IL17RD: variants seen among roughly 807,000 people sequenced by gnomAD.
IL17RD encodes interleukin 17 receptor D, also known as interleukin-17 receptor D.
In IL17RD, 52 loss-of-function variants were observed where a neutral mutation model predicts 80.5. The ratio of observed to expected loss-of-function variants is 0.65; its 90% CI spans 0.52 to 0.81. The LOEUF is 0.81. Among genes scored for constraint, IL17RD ranks in the 40% least tolerant of loss-of-function variants. IL17RD has a pLI of 0.00. For synonymous variants in IL17RD, 416 were observed against 391.8 expected, an observed-to-expected ratio of 1.06 and a Z score of -0.73; for missense variants, 1,024 against 955.1, an observed-to-expected ratio of 1.07 and a Z score of -0.95.
upstream of IL17RD, among the ~76,000 whole-genome samples, chr3:57,166,793 G>A (rs986428684): frequency 1.3e-5 from 2 of 152,032 alleles, no homozygotes; most frequent in Non-Finnish European, 2.9e-5. Context: ...TGTCACCTCC[G>A]TCCATTCAAC....
At chr3:57,109,680 T>C in intron 4 of IL17RD, 23 bp from the exon 5 acceptor site, 1 of 1,607,856 alleles carries the variant, frequency 6.2e-7, no homozygotes. Flanking sequence ...AAAAACACAG[T>C]GACATCATGG....
intron 11 of IL17RD, among the ~76,000 whole-genome samples, chr3:57,099,683 C>A (rs1014158891): frequency 6.6e-6 from 1 of 152,140 alleles, no homozygotes; most frequent in East Asian, 1.9e-4. Flanking sequence ...GGAGTATATA[C>A]CAAGCATTTT....
intron 1 of IL17RD, among the ~76,000 whole-genome samples, chr3:57,125,252 C>A (rs1478961801): frequency 6.6e-6 from 1 of 152,020 alleles, no homozygotes; most frequent in East Asian, 1.9e-4. Flanking sequence ...ACTAAAAATA[C>A]GAAAATTAGC....
At position 57,106,024 on chromosome 3, in the gene IL17RD, A is replaced by G; in HGVS notation, c.596-16T>C. The G allele has an allele frequency of 1.2e-6, 2 of 1,613,686 alleles. No homozygotes were observed. The highest frequency in any genetic ancestry group is 1.7e-6 in the Non-Finnish European group (2 of 1,179,658). ...GGCTTCCAGACTGGAAGAAGGTAGG[A>G]CCCAGAGTGAGCAACCAGAGGCTAC... On this transcript the variant is annotated splice_polypyrimidine_tract_variant and intron_variant, in intron 6 of 12. Transcript: ENST00000296318.
chr3:57,156,158 A>G (rs1350287096), intron 1 of IL17RD, among the ~76,000 whole-genome samples: 3 of 152,200 alleles, frequency 2.0e-5, no homozygotes, highest in East Asian at 1.9e-4. Context: ...AGAAAATACT[A>G]TGTATGTCCC....
chr3:57,130,937 G>A lies in IL17RD; in HGVS notation c.127-10624C>T, dbSNP rs181508048. On this transcript the variant is annotated intron_variant, in intron 1 of 12. Coordinates refer to ENST00000296318, the MANE Select transcript of IL17RD (RefSeq NM_017563.5). Reference sequence around the variant, plus strand: ...AGCCCCCACCAGCTTGAGGCCAGCCGCCTGGGAGCCGGACACAGCAATTAG... The same window carrying A: ...AGCCCCCACCAGCTTGAGGCCAGCCACCTGGGAGCCGGACACAGCAATTAG... 9.2e-4 allele frequency among the ~76,000 whole-genome samples: 140 copies of A among 152,278 alleles called. 1 individual carries two copies. The highest frequency in any genetic ancestry group is 3.1e-3 in the African/African-American group (127 of 41,548).
At position 57,091,286 on chromosome 3, in the gene IL17RD, G is replaced by A. The variant is rs553882497; in HGVS notation, c.*5107C>T. The A allele has an allele frequency of 1.3e-5, 2 of 152,728 alleles. No homozygotes were observed. The highest frequency in any genetic ancestry group is 1.9e-4 in the East Asian group (1 of 5,178). 9.5% of individuals were successfully genotyped at this position (152,728 alleles called of 1,614,324 possible). On this transcript the variant is annotated 3_prime_UTR_variant, in exon 13 of 13. Coordinates refer to ENST00000296318, the MANE Select transcript of IL17RD (RefSeq NM_017563.5). ...TATACATCAGGAATAAGCACCAAGTGTTTGATCTCAGGAGGAAAACAAACA... is the reference window on the plus strand; with the variant it reads ...TATACATCAGGAATAAGCACCAAGTATTTGATCTCAGGAGGAAAACAAACA...
intron 1 of IL17RD, 172 bp downstream of exon 1, chr3:57,164,989 C>T: frequency 3.8e-6 from 5 of 1,332,096 alleles, no homozygotes; most frequent in South Asian, 1.8e-5. Flanking sequence ...CCGGAGGACA[C>T]GCGTCCGGGG....
At chr3:57,125,973 A>G (rs1280972603) in intron 1 of IL17RD, among the ~76,000 whole-genome samples, 1 of 152,202 alleles carries the variant, frequency 6.6e-6, no homozygotes, top group Non-Finnish European at 1.5e-5. Context: ...TTGGTGTTAC[A>G]CTGATTTATG....
At chr3:57,103,025 C>T in intron 9 of IL17RD, 66 bp downstream of exon 9, 1 of 1,116,596 alleles carries the variant, frequency 9.0e-7, no homozygotes, top group Non-Finnish European at 1.3e-6. Flanking sequence ...TCATGAAGTA[C>T]AGAGAGTATC....
At chr3:57,168,193 G>A (rs950279959), upstream of IL17RD, among the ~76,000 whole-genome samples, 2 of 152,146 alleles carry the variant, frequency 1.3e-5, no homozygotes, top group African/African-American at 4.8e-5. Flanking sequence ...ACTTACAAGA[G>A]AAAGAGAACC....
chr3:57,132,075 A>C (rs1435246817), intron 1 of IL17RD, among the ~76,000 whole-genome samples: 1 of 152,036 alleles, frequency 6.6e-6, no homozygotes, highest in Admixed American at 6.5e-5. Flanking sequence ...GGTCCCAGCT[A>C]CTTGGGAGGC....
intron 1 of IL17RD, among the ~76,000 whole-genome samples, chr3:57,129,591 T>C (rs1264623760): frequency 6.6e-6 from 1 of 152,160 alleles, no homozygotes; most frequent in East Asian, 1.9e-4. Flanking sequence ...GATTGTGACG[T>C]TGCCATGGGG....
intron 1 of IL17RD, among the ~76,000 whole-genome samples, chr3:57,149,040 G>C (rs932204705): frequency 1.3e-5 from 2 of 152,176 alleles, no homozygotes; most frequent in Non-Finnish European, 2.9e-5. Flanking sequence ...GGCCAGGCGT[G>C]GTGGCTCACG....
chr3:57,165,236 G>A lies in IL17RD; in HGVS notation c.51C>T (p.Cys17=), dbSNP rs1219166874. The change falls in exon 1 of 13, where the codon TGC becomes TGT. Residue 17 remains cysteine, a synonymous_variant. Transcript: ENST00000296318. ...LCSVFFTVNA[C]LNGSQLAVAA... is the part of the protein sequence containing the mutation. ...CCACAGCCAGCTGCGAGCCGTTGAG[G>A]CAGGCGTTGACCGTAAAGAAGACGG... 3 of 1,530,854 alleles carry A rather than the reference G, an allele frequency of 2.0e-6. No homozygotes were observed. The highest frequency in any genetic ancestry group is 2.6e-6 in the Non-Finnish European group (3 of 1,139,174). 94.8% of individuals were successfully genotyped at this position (1,530,854 alleles called of 1,614,324 possible). A position where few individuals can be genotyped will look rare whatever the true frequency, so the allele number is the denominator to read the frequency against.
rs1360921580 is a variant in IL17RD, at chr3:57,097,607, G to A, written c.2096C>T (p.Ser699Phe). 5.1e-6 allele frequency: 8 copies of A among 1,574,992 alleles called. 1 individual carries two copies. The South Asian group carries it at 5.9e-5, about 12-fold the overall frequency. ...TSSLTESVSS[S>F]SGLGEEEPPA... Reference sequence around the variant, plus strand: ...CAAAGGCACCTTACCCAGGCCTGAAGAGGAGGACACGCTCTCCGTCAGGGA... The same window carrying A: ...CAAAGGCACCTTACCCAGGCCTGAAAAGGAGGACACGCTCTCCGTCAGGGA... Residue 699 changes from serine to phenylalanine, a missense_variant, in exon 12 of 13, where the codon TCT becomes TTT. Transcript: ENST00000296318.
In IL17RD at chr3:57,090,207, C is replaced by A. The variant is rs1384374158; in HGVS notation, c.*6186G>T. The A allele has an allele frequency of 6.6e-6, 1 of 152,628 alleles. No homozygotes were observed. The highest frequency in any genetic ancestry group is 1.5e-5 in the Non-Finnish European group (1 of 68,044). 9.5% of individuals were successfully genotyped at this position (152,628 alleles called of 1,614,324 possible). ...AAAGATGAAACAAAGGCAACGCCAT[C>A]AATAACCACCATATTCCACAGGCTT... On this transcript the variant is annotated 3_prime_UTR_variant, in exon 13 of 13. Transcript: ENST00000296318.
At chr3:57,130,862 G>C (rs572838240) in intron 1 of IL17RD, among the ~76,000 whole-genome samples, 1 of 152,334 alleles carries the variant, frequency 6.6e-6, no homozygotes, top group East Asian at 1.9e-4. Flanking sequence ...AAAAGCACCA[G>C]GAAGTCAGCA....
chr3:57,107,625 C>T (rs990845588), intron 5 of IL17RD, among the ~76,000 whole-genome samples: 5 of 152,068 alleles, frequency 3.3e-5, no homozygotes, highest in Admixed American at 3.3e-4. Flanking sequence ...TGTTCCAGGG[C>T]GACCAGCCAC....
Sources: allele counts gnomAD v4.1 joint callset (sites outside exome capture counted in the v4.1 genomes callset), GRCh38; gene constraint gnomAD v4.1.1; transcripts MANE v1.5; gene names NCBI Gene and HGNC (gene_info 2026-07-23, HGNC 2026-07-21).